PHLPP1: variants seen among roughly 807,000 people sequenced by gnomAD.
PHLPP1 encodes PH domain leucine-rich repeat-containing protein phosphatase 1.
Under a neutral mutation model 117.2 loss-of-function variants are expected in PHLPP1, and 42 were observed. The observed-to-expected ratio is 0.36, with a 90% CI of 0.28 to 0.46. PHLPP1 has a LOEUF of 0.46. Among genes scored for constraint, PHLPP1 ranks in the 20% least tolerant of loss-of-function variants. The pLI is 1.00. For synonymous variants in PHLPP1, 1,042 were observed against 970.7 expected (o/e 1.07, Z -1.37); for missense variants, 2,084 against 2,241.9 (o/e 0.93, Z 1.42).
intron 1 of PHLPP1, among the ~76,000 whole-genome samples, chr18:62,718,019 A>G (rs1910813890): frequency 6.6e-6 from 1 of 152,198 alleles, no homozygotes; most frequent in Admixed American, 6.5e-5. Flanking sequence ...ATTTCTTCAG[A>G]TGTGTCCTGA....
intron 2 of PHLPP1, chr18:62,837,677 G>T (rs1235156482): frequency 7.0e-6 from 1 of 142,362 alleles, no homozygotes; most frequent in Non-Finnish European, 1.5e-5. Flanking sequence ...TTCCTTCCAA[G>T]TTTTTTTTTT....
intron 1 of PHLPP1, among the ~76,000 whole-genome samples, chr18:62,765,500 CTA>C (rs1246483460): frequency 2.6e-5 from 4 of 152,192 alleles, no homozygotes; most frequent in African/African-American, 9.7e-5. Flanking sequence ...TTTATTGGCT[CTA>C]TAAGCCATTT....
At chr18:62,913,906 G>T (rs1382343197) in intron 8 of PHLPP1, among the ~76,000 whole-genome samples, 3 of 151,904 alleles carry the variant, frequency 2.0e-5, no homozygotes, top group African/African-American at 7.3e-5. Flanking sequence ...ACCACACCCG[G>T]CTAATTTTTG....
intron 4 of PHLPP1, among the ~76,000 whole-genome samples, chr18:62,879,610 G>C (rs577004277): frequency 6.6e-6 from 1 of 152,116 alleles, no homozygotes; most frequent in Non-Finnish European, 1.5e-5. Flanking sequence ...AGGGTTCACC[G>C]TGTTAGTCAG....
At chr18:62,949,646 A>G (rs765235566) in intron 12 of PHLPP1, among the ~76,000 whole-genome samples, 3 of 152,148 alleles carry the variant, frequency 2.0e-5, no homozygotes, top group Non-Finnish European at 4.4e-5. Context: ...TGATCTTTCA[A>G]ACCCCTACCA....
chr18:62,919,790 C>T (rs1909406596), intron 9 of PHLPP1, among the ~76,000 whole-genome samples, 169 bp from the exon 10 acceptor site: 1 of 152,148 alleles, frequency 6.6e-6, no homozygotes, highest in Admixed American at 6.5e-5. Flanking sequence ...TTTTTTCCTT[C>T]CTCCTTTTTT....
intron 12 of PHLPP1, 44 bp from the exon 13 acceptor site, chr18:62,958,585 T>G (rs1296064657): frequency 1.2e-6 from 2 of 1,608,434 alleles, no homozygotes; most frequent in Admixed American, 3.3e-5. Context: ...CTGAAGAGCT[T>G]CTCTAGACCA....
Position 62,937,924 on chromosome 18 carries a change from A to G in PHLPP1, c.2961-3794A>G, listed in dbSNP as rs1910023267. On this transcript the variant is annotated intron_variant, in intron 10 of 16. Coordinates refer to ENST00000262719, the MANE Select transcript of PHLPP1 (RefSeq NM_194449.4). ...CTACTCAGGAGGCTAAGGTGGGAGA[A>G]TTGCTTGAACCTGGGAGGCGGAGGT... is the stretch of plus-strand genomic sequence containing the variant. Among the ~76,000 whole-genome samples, 7 of 152,286 alleles carry G rather than the reference A, an allele frequency of 4.6e-5. No homozygotes were observed. The South Asian group carries it at 1.0e-3, about 23-fold the overall frequency.
At chr18:62,885,179 G>C (rs1916255062) in intron 4 of PHLPP1, among the ~76,000 whole-genome samples, 1 of 152,112 alleles carries the variant, frequency 6.6e-6, no homozygotes, top group South Asian at 2.1e-4. Flanking sequence ...TGTGAGGATT[G>C]GTAACATTTG....
At position 62,979,349 on chromosome 18, in the gene PHLPP1, CA is replaced by C; in HGVS notation, c.5073del (p.Pro1692HisfsTer35). The C allele has an allele frequency of 6.5e-7, 1 of 1,548,368 alleles. No homozygotes were observed. The highest frequency in any genetic ancestry group is 8.7e-7 in the Non-Finnish European group (1 of 1,143,740). ...HQEQQQQQQP[P>X]PPPQLQPQLP... ...GAGCAACAGCAGCAGCAGCAGCCGC[CA>C]CCACCCCCTCAGCTCCAGCCGCAGC... On this transcript the variant is annotated frameshift_variant, in exon 17 of 17. Transcript: ENST00000262719. LOFTEE classifies it high-confidence loss of function.
chr18:62,793,551 T>C (rs1913527248), intron 1 of PHLPP1, among the ~76,000 whole-genome samples: 1 of 152,216 alleles, frequency 6.6e-6, no homozygotes, highest in African/African-American at 2.4e-5. Flanking sequence ...CCTGGATTTA[T>C]TGAACATAGA....
intron 6 of PHLPP1, among the ~76,000 whole-genome samples, chr18:62,896,675 C>G (rs1190130329): frequency 6.6e-6 from 1 of 152,134 alleles, no homozygotes; most frequent in Non-Finnish European, 1.5e-5. Context: ...TCAGAGCTCA[C>G]TGCAGCCTCA....
chr18:62,967,047 A>T (rs974843542), intron 14 of PHLPP1, among the ~76,000 whole-genome samples: 1 of 152,184 alleles, frequency 6.6e-6, no homozygotes, highest in African/African-American at 2.4e-5. Flanking sequence ...TGCATGTGTC[A>T]GTAGTTCGTT....
intron 1 of PHLPP1, among the ~76,000 whole-genome samples, chr18:62,780,442 T>G (rs1445197839): frequency 6.6e-6 from 1 of 152,252 alleles, no homozygotes; most frequent in Non-Finnish European, 1.5e-5. Context: ...AATTTTATGA[T>G]TGACTTGGCC....
In PHLPP1 at chr18:62,782,864, G is replaced by A. The variant is rs1410788127; in HGVS notation, c.1577-47171G>A. ...TGACAGATTAAGATCAGATGTTTTC[G>A]GGGCAAAGCGCTATTTGTTTTTTGA... On this transcript the variant is annotated intron_variant, in intron 1 of 16. Coordinates refer to ENST00000262719, the MANE Select transcript of PHLPP1 (RefSeq NM_194449.4). Among the ~76,000 whole-genome samples, 6 of 152,038 alleles carry A rather than the reference G, an allele frequency of 3.9e-5. No homozygotes were observed. In the South Asian group the frequency reaches 6.2e-4, roughly 16 times the overall value.
chr18:62,813,308 G>A (rs1368369168), intron 1 of PHLPP1, among the ~76,000 whole-genome samples: 1 of 152,164 alleles, frequency 6.6e-6, no homozygotes, highest in Non-Finnish European at 1.5e-5. Flanking sequence ...AAAGAGATGT[G>A]AGCATCAGGC....
In PHLPP1 at chr18:62,941,808, G is replaced by A. The variant is rs751999688; in HGVS notation, c.3051G>A (p.Leu1017=). Residue 1017 remains leucine (L), a synonymous_variant, in exon 11 of 17, where the codon TTG becomes TTA. Coordinates refer to ENST00000262719, the MANE Select transcript of PHLPP1 (RefSeq NM_194449.4). ...AGACAAACAGTATCTTACAAGAGTT[G>A]TATTTGACAAATAACAGCCTCACAG... is the stretch of plus-strand genomic sequence containing the variant. The part of the protein sequence containing the change: ...SEETNSILQE[L]YLTNNSLTDK... 6.2e-7 allele frequency: 1 copy of A among 1,613,970 alleles called. No individual in the cohort carries two copies. Among genetic ancestry groups the A allele is most frequent in the East Asian group, 2.2e-5 (1 of 44,888 alleles).
chr18:62,972,326 C>T (rs1259464545), intron 14 of PHLPP1, among the ~76,000 whole-genome samples, 188 bp from the exon 15 acceptor site: 2 of 152,216 alleles, frequency 1.3e-5, no homozygotes, highest in African/African-American at 4.8e-5. Flanking sequence ...ATAATTTGTG[C>T]TCATCCTTCT....
At chr18:62,837,356 G>A (rs1030685303) in intron 2 of PHLPP1, among the ~76,000 whole-genome samples, 1 of 152,054 alleles carries the variant, frequency 6.6e-6, no homozygotes, top group South Asian at 2.1e-4. Flanking sequence ...TTTTTTCTAA[G>A]AATTTGTCAC....
Sources: allele counts gnomAD v4.1 joint callset (sites outside exome capture counted in the v4.1 genomes callset), GRCh38; gene constraint gnomAD v4.1.1; transcripts MANE v1.5; gene names NCBI Gene and HGNC (gene_info 2026-07-23, HGNC 2026-07-21).